Variants in BLVRA observed in about 807,000 individuals in gnomAD.
BLVRA encodes biliverdin reductase A, also known as BVR A.
BLVRA carries 22 observed loss-of-function variants against 32.8 expected under a neutral mutation model. The ratio of observed to expected loss-of-function variants is 0.67; its 90% confidence interval spans 0.48 to 0.96. The LOEUF (loss-of-function observed/expected upper bound fraction) is 0.96. BLVRA is among the 40% of genes least tolerant of loss of function. The probability of loss-of-function intolerance (pLI) is 0.00; values close to 1 mark genes in which losing one functional copy is unlikely to be tolerated. For missense variants in BLVRA, 323 were observed against 358.1 expected, an observed-to-expected ratio of 0.90 and a Z score of 0.79; for synonymous variants, 119 against 141.3, an observed-to-expected ratio of 0.84 and a Z score of 1.12.
At chr7:43,774,566 G>C (rs1235597912) in intron 2 of BLVRA, among the ~76,000 whole-genome samples, 2 of 152,196 alleles carry the variant, frequency 1.3e-5, no homozygotes, top group East Asian at 1.9e-4. Flanking sequence ...TAGAAGTCAG[G>C]TAGTGTGATG....
In BLVRA at chr7:43,787,055, T is replaced by C. The variant is rs1280342187; in HGVS notation, c.13-849T>C. On this transcript the variant is annotated intron_variant, in intron 2 of 7. Transcript: ENST00000265523. The surrounding 1 kb of genome is among the most constrained non-coding windows in gnomAD (Gnocchi z 4.5). ...CTCCTGCCTCGGCCTCCTAAGTAGC[T>C]GGGATTACAGGCGCCTGCCAACAGG... 6.6e-6 allele frequency among the ~76,000 whole-genome samples: 1 copy of C among 152,058 alleles called. No homozygotes were observed. Among genetic ancestry groups the C allele is most frequent in the Non-Finnish European group, 1.5e-5 (1 of 68,018 alleles).
chr7:43,799,126 G>A (rs557419862), intron 5 of BLVRA, among the ~76,000 whole-genome samples: 7 of 152,170 alleles, frequency 4.6e-5, no homozygotes, highest in Non-Finnish European at 1.0e-4. Flanking sequence ...CCACATTCAC[G>A]TCTGAAGGAG....
intron 3 of BLVRA, among the ~76,000 whole-genome samples, chr7:43,790,411 G>A (rs1048319534): frequency 9.2e-5 from 14 of 151,832 alleles, no homozygotes; most frequent in East Asian, 1.9e-4. Context: ...GAGCTCAGTC[G>A]GCCAGAGGGA....
At position 43,792,452 on chromosome 7, in the gene BLVRA, A is replaced by G. The variant is rs1438363387; in HGVS notation, c.255-263A>G. Among the ~76,000 whole-genome samples the G allele has an allele frequency of 3.9e-5, 6 of 152,222 alleles. No homozygotes were observed. In the East Asian group the frequency reaches 1.2e-3, roughly 29 times the overall value. On this transcript the variant is annotated intron_variant, in intron 4 of 7. Transcript: ENST00000265523. The stretch of plus-strand genomic sequence containing the variant: ...ATTTCTCCTCCACAGTAATTGGTAA[A>G]TAGTACTTAGTTGAATAAATGAATG...
chr7:43,768,581 T>C (rs1202107455), intron 1 of BLVRA, among the ~76,000 whole-genome samples: 1 of 152,174 alleles, frequency 6.6e-6, no homozygotes, highest in African/African-American at 2.4e-5. Flanking sequence ...TTAATGTGTA[T>C]GAACTAGCTG....
At chr7:43,778,931 A>C (rs1246864827) in intron 2 of BLVRA, among the ~76,000 whole-genome samples, 1 of 152,062 alleles carries the variant, frequency 6.6e-6, no homozygotes, top group Non-Finnish European at 1.5e-5. Flanking sequence ...AATCAGCGAG[A>C]CTCCGTGGGC....
At chr7:43,803,147 C>T (rs575510969) in intron 6 of BLVRA, among the ~76,000 whole-genome samples, 16 of 152,304 alleles carry the variant, frequency 1.1e-4, no homozygotes, top group African/African-American at 3.9e-4. Flanking sequence ...TTACCATTTT[C>T]TCCATAGCTA....
chr7:43,805,408 G>A (rs372676780), intron 7 of BLVRA, among the ~76,000 whole-genome samples: 6 of 151,732 alleles, frequency 4.0e-5, no homozygotes, highest in East Asian at 1.9e-4. Context: ...TCAGCCTCCC[G>A]AGTAGCTGGG....
upstream of BLVRA, among the ~76,000 whole-genome samples, chr7:43,758,527 G>A (rs1270423069): frequency 2.0e-5 from 3 of 152,186 alleles, no homozygotes; most frequent in Admixed American, 2.0e-4. Flanking sequence ...CAGAGGCCAG[G>A]ATCTCACGCG....
chr7:43,803,611 C>T (rs988071576), intron 6 of BLVRA, 65 bp from the exon 7 acceptor site: 8 of 1,481,300 alleles, frequency 5.4e-6, no homozygotes, highest in African/African-American at 1.4e-5. Flanking sequence ...CCCCCACCCC[C>T]CTGTCCTGCT....
At chr7:43,790,283 T>A (rs566923618) in intron 3 of BLVRA, among the ~76,000 whole-genome samples, 1 of 152,030 alleles carries the variant, frequency 6.6e-6, no homozygotes, top group South Asian at 2.1e-4. Flanking sequence ...TCTAGAAGAG[T>A]CAGAAGGCCT....
intron 5 of BLVRA, among the ~76,000 whole-genome samples, chr7:43,800,036 A>G (rs1213684318): frequency 1.3e-5 from 2 of 151,958 alleles, no homozygotes; most frequent in Admixed American, 1.3e-4. Flanking sequence ...GCCCACTGCA[A>G]TTTCTGCCTC....
intron 2 of BLVRA, among the ~76,000 whole-genome samples, chr7:43,784,874 G>C (rs898872900): frequency 1.3e-5 from 2 of 152,126 alleles, no homozygotes; most frequent in African/African-American, 4.8e-5. Context: ...CTCCCAGAGT[G>C]CTGGGTTTAC....
At chr7:43,772,005 G>C (rs937311223) in intron 2 of BLVRA, among the ~76,000 whole-genome samples, 2 of 152,220 alleles carry the variant, frequency 1.3e-5, no homozygotes, top group African/African-American at 4.8e-5. Flanking sequence ...CTCAATTCCT[G>C]CCTCTCCATT....
intron 5 of BLVRA, among the ~76,000 whole-genome samples, chr7:43,796,231 G>A (rs1003234181): frequency 6.6e-6 from 1 of 151,992 alleles, no homozygotes; most frequent in African/African-American, 2.4e-5. Context: ...AAATAAAAAG[G>A]ATTATATGAG....
chr7:43,767,509 C>A, intron 1 of BLVRA: 1 of 1,219,662 alleles, frequency 8.2e-7, no homozygotes, highest in South Asian at 1.2e-5. Context: ...CTATTGTTGC[C>A]GTGGTCACCG....
intron 5 of BLVRA, among the ~76,000 whole-genome samples, chr7:43,799,911 A>T (rs527452908): frequency 3.9e-5 from 6 of 152,156 alleles, no homozygotes; most frequent in African/African-American, 1.2e-4. Context: ...TTGTTCTCTT[A>T]AATTTTCATT....
At chr7:43,798,977 C>T (rs1160270789) in intron 5 of BLVRA, among the ~76,000 whole-genome samples, 2 of 132,708 alleles carry the variant, frequency 1.5e-5, no homozygotes, top group East Asian at 5.2e-4. Flanking sequence ...CAGAGTTTCA[C>T]GGTGGGGTGG....
intron 3 of BLVRA, among the ~76,000 whole-genome samples, chr7:43,788,819 T>G (rs2095781672): frequency 6.7e-6 from 1 of 149,402 alleles, no homozygotes; most frequent in African/African-American, 2.5e-5. Context: ...TTTTTTTTTT[T>G]GTAGAGACAG....
Sources: allele counts gnomAD v4.1 joint callset (sites outside exome capture counted in the v4.1 genomes callset), GRCh38; gene constraint gnomAD v4.1.1; non-coding constraint Gnocchi (gnomAD v3.1); transcripts MANE v1.5; gene names NCBI Gene and HGNC (gene_info 2026-07-23, HGNC 2026-07-21).